Variants in NAA50 observed in about 807,000 individuals in gnomAD.
The protein encoded by NAA50 is N-alpha-acetyltransferase 50.
Under a neutral mutation model 20.7 loss-of-function variants are expected in NAA50, and 7 were observed. The observed-to-expected ratio is 0.34, with a 90% CI of 0.19 to 0.63. The LOEUF (loss-of-function observed/expected upper bound fraction) is 0.63. Among genes scored for constraint, NAA50 ranks in the 30% least tolerant of loss-of-function variants. NAA50 has a pLI of 0.75. For synonymous variants in NAA50, 54 were observed against 70.6 expected (o/e 0.77, Z 1.18); for missense variants, 111 against 199.1 (o/e 0.56, Z 2.66).
At chr3:113,735,760 T>G (rs1373097448) in intron 1 of NAA50, among the ~76,000 whole-genome samples, 1 of 152,242 alleles carries the variant, frequency 6.6e-6, no homozygotes, top group African/African-American at 2.4e-5. Flanking sequence ...CTCAGCTTAC[T>G]GCAACCTCTG....
Position 113,717,315 on chromosome 3 carries a change from C to CA in NAA50, c.*4444dup, listed in dbSNP as rs1434838773. 2 of 152,218 alleles carry CA rather than the reference C, an allele frequency of 1.3e-5. No individual in the cohort carries two copies. The highest frequency in any genetic ancestry group is 4.8e-5 in the African/African-American group (2 of 41,450). The allele number at this position is 152,218 out of a possible 1,614,324, so 9.4% of individuals were successfully genotyped here. A position where few individuals can be genotyped will look rare whatever the true frequency, so the allele number is the denominator to read the frequency against. ...CGCCACTGCACTCCAGCCTGGGCGA[C>CA]AGAGCGAGACTCTGTCTCCAAAACA... is the stretch of plus-strand genomic sequence containing the variant. On this transcript the variant is annotated 3_prime_UTR_variant, in exon 5 of 5. Transcript: ENST00000240922.
In NAA50 at chr3:113,721,089, C is replaced by A. The variant is rs1335766547; in HGVS notation, c.*671G>T. 1.3e-5 allele frequency: 2 copies of A among 152,528 alleles called. No individual in the cohort carries two copies. Among genetic ancestry groups the A allele is most frequent in the East Asian group, 1.9e-4 (1 of 5,190 alleles). 9.4% of individuals were successfully genotyped at this position (152,528 alleles called of 1,614,324 possible). ...CAGGAAAAACAAACCTGCTAACAAC[C>A]AGCCCACTCATTAGCAAAAAAGCAG... On this transcript the variant is annotated 3_prime_UTR_variant, in exon 5 of 5. Coordinates refer to ENST00000240922, the MANE Select transcript of NAA50 (RefSeq NM_025146.4).
rs1191760883 is a variant in NAA50 at position 113,745,978 on chromosome 3, C to T, written c.-29G>A. On this transcript the variant is annotated 5_prime_UTR_variant, in exon 1 of 5. Transcript: ENST00000240922. ...CCCCGCCTGCTGAGGCCGTCGTTAC[C>T]ACCGATATCAACGCCGTCGTAGTCG... 2 of 1,606,304 alleles carry T rather than the reference C, an allele frequency of 1.2e-6. No individual in the cohort carries two copies. Among genetic ancestry groups the T allele is most frequent in the African/African-American group, 2.7e-5 (2 of 74,866 alleles).
chr3:113,716,486 T>C lies in NAA50; in HGVS notation c.*5274A>G, dbSNP rs530289012. 1.3e-5 allele frequency: 2 copies of C among 152,236 alleles called. No individual in the cohort carries two copies. 9.4% of individuals were successfully genotyped at this position (152,236 alleles called of 1,614,324 possible). A position where few individuals can be genotyped will look rare whatever the true frequency, so the allele number is the denominator to read the frequency against. On this transcript the variant is annotated 3_prime_UTR_variant, in exon 5 of 5. Transcript: ENST00000240922. ...AGTACCTGACAGTTTTATTATACTT[T>C]AGGGGAAGAGATGGCTAGTGACAAG...
chr3:113,722,834 A>G, intron 4 of NAA50, 72 bp downstream of exon 4: 1 of 1,441,776 alleles, frequency 6.9e-7, no homozygotes, highest in South Asian at 1.3e-5. Flanking sequence ...ACCAGATTTT[A>G]AAGTTTCTAG....
Position 113,718,212 on chromosome 3 carries a change from CCA to C in NAA50, c.*3546_*3547del, listed in dbSNP as rs1298889576. The C allele has an allele frequency of 1.3e-5, 2 of 152,126 alleles. No homozygotes were observed. Among genetic ancestry groups the C allele is most frequent in the African/African-American group, 2.4e-5 (1 of 41,394 alleles). The allele number at this position is 152,126 out of a possible 1,614,324, so 9.4% of individuals were successfully genotyped here. A position where few individuals can be genotyped will look rare whatever the true frequency, so the allele number is the denominator to read the frequency against. ...GAGCATCAGGCACTGTGTGTGATAC[CCA>C]CACAGTGAGGAACAGAAGCCCAAGA... On this transcript the variant is annotated 3_prime_UTR_variant, in exon 5 of 5. Coordinates refer to ENST00000240922, the MANE Select transcript of NAA50 (RefSeq NM_025146.4).
intron 4 of NAA50, among the ~76,000 whole-genome samples, 182 bp downstream of exon 4, chr3:113,722,723 TA>T (rs1559737034): frequency 6.6e-6 from 1 of 152,174 alleles, no homozygotes; most frequent in African/African-American, 2.4e-5. Flanking sequence ...CTCAGGTTCC[TA>T]ATCTACTATT....
At position 113,733,853 on chromosome 3, in the gene NAA50, C is replaced by CAAAAAAAAAAAAAA. The variant is rs58431115; in HGVS notation, c.9-9772_9-9759dup. On this transcript the variant is annotated intron_variant, in intron 1 of 4. Coordinates refer to ENST00000240922, the MANE Select transcript of NAA50 (RefSeq NM_025146.4). ...GGGTGACAGAGCAAGACTCTGTCTC[C>CAAAAAAAAAAAAAA]AAAAAAAAAAAAAAAAAAAAAAAGA... Among the ~76,000 whole-genome samples, 27 of 68,480 alleles carry CAAAAAAAAAAAAAA rather than the reference C, an allele frequency of 3.9e-4. 1 individual carries two copies. The highest frequency in any genetic ancestry group is 1.7e-3 in the African/African-American group (27 of 16,360). 44.9% of individuals were successfully genotyped at this position (68,480 alleles called of 152,430 possible).
intron 1 of NAA50, among the ~76,000 whole-genome samples, chr3:113,733,853 C>CAA (rs58431115): frequency 0.013 from 857 of 67,706 alleles, 24 homozygotes; most frequent in Admixed American, 0.033. Flanking sequence ...ACTCTGTCTC[C>CAA]AAAAAAAAAA....
chr3:113,745,916 G>T, intron 1 of NAA50, 26 bp downstream of exon 1: 1 of 1,602,026 alleles, frequency 6.2e-7, no homozygotes. Flanking sequence ...CCACCGGCCG[G>T]GCCCTGCCCG....
chr3:113,743,614 G>C (rs548399003), intron 1 of NAA50, among the ~76,000 whole-genome samples: 42 of 152,282 alleles, frequency 2.8e-4, no homozygotes, highest in Middle Eastern at 6.8e-3. Flanking sequence ...AAATTAAAAA[G>C]TTTCATCTCA....
At chr3:113,723,687 C>T in intron 2 of NAA50, 146 bp from the exon 3 acceptor site, 1 of 1,051,980 alleles carries the variant, frequency 9.5e-7, no homozygotes, top group Non-Finnish European at 1.3e-6. Flanking sequence ...AGCTCTTATG[C>T]CATCTTAGGA....
intron 1 of NAA50, among the ~76,000 whole-genome samples, chr3:113,735,245 T>C (rs1443406325): frequency 2.0e-5 from 3 of 152,178 alleles, no homozygotes; most frequent in African/African-American, 7.2e-5. Context: ...GTGAGTAGTG[T>C]TACAAAATCA....
rs1042448227 is a variant in NAA50, at chr3:113,717,522, C to A, written c.*4238G>T. ...CTCTTTTTCCCATGTGACTATGTTA[C>A]TTGGCTGTATCATAAACTAGGACTA... On this transcript the variant is annotated 3_prime_UTR_variant, in exon 5 of 5. Transcript: ENST00000240922. The A allele has an allele frequency of 6.6e-6, 1 of 152,172 alleles. No individual in the cohort carries two copies. The highest frequency in any genetic ancestry group is 1.5e-5 in the Non-Finnish European group (1 of 68,030). 9.4% of individuals were successfully genotyped at this position (152,172 alleles called of 1,614,324 possible).
At position 113,720,299 on chromosome 3, in the gene NAA50, TATGA is replaced by T. The variant is rs1474669104; in HGVS notation, c.*1457_*1460del. 3.3e-5 allele frequency: 5 copies of T among 152,368 alleles called. No homozygotes were observed. Among genetic ancestry groups the T allele is most frequent in the Admixed American group, 6.5e-5 (1 of 15,280 alleles). 9.4% of individuals were successfully genotyped at this position (152,368 alleles called of 1,614,324 possible). A position where few individuals can be genotyped will look rare whatever the true frequency, so the allele number is the denominator to read the frequency against. On this transcript the variant is annotated 3_prime_UTR_variant, in exon 5 of 5. Coordinates refer to ENST00000240922, the MANE Select transcript of NAA50 (RefSeq NM_025146.4). ...CCGCAATTTTACATAAGAGGATAAATATGAATGAAACTTCCTTTTAAAGTCAAAT... is the reference window on the plus strand; with the variant it reads ...CCGCAATTTTACATAAGAGGATAAATATGAAACTTCCTTTTAAAGTCAAAT...
chr3:113,741,657 T>C (rs935383235), intron 1 of NAA50, among the ~76,000 whole-genome samples: 1 of 152,210 alleles, frequency 6.6e-6, no homozygotes, highest in Non-Finnish European at 1.5e-5. Flanking sequence ...GAAATTATGA[T>C]AAACAGGGAA....
At chr3:113,733,196 G>A (rs1230456628) in intron 1 of NAA50, among the ~76,000 whole-genome samples, 1 of 152,122 alleles carries the variant, frequency 6.6e-6, no homozygotes, top group Non-Finnish European at 1.5e-5. Flanking sequence ...TCAGACAGAT[G>A]ATTTTGCAAC....
chr3:113,732,231 A>T (rs1318266988), intron 1 of NAA50, among the ~76,000 whole-genome samples: 2 of 152,210 alleles, frequency 1.3e-5, no homozygotes, highest in Non-Finnish European at 2.9e-5. Flanking sequence ...AACAGAGGAG[A>T]TATGACAACA....
At chr3:113,727,804 T>C (rs532909760) in intron 1 of NAA50, among the ~76,000 whole-genome samples, 5 of 152,280 alleles carry the variant, frequency 3.3e-5, no homozygotes, top group African/African-American at 7.2e-5. Flanking sequence ...TTGGTAGCTG[T>C]TGGAAAAATT....
Sources: allele counts gnomAD v4.1 joint callset (sites outside exome capture counted in the v4.1 genomes callset), GRCh38; gene constraint gnomAD v4.1.1; transcripts MANE v1.5; gene names NCBI Gene and HGNC (gene_info 2026-07-23, HGNC 2026-07-21).